LYRM7: variants seen among roughly 807,000 people sequenced by gnomAD.
LYRM7 encodes the protein complex III assembly factor LYRM7.
Under a neutral mutation model 15.8 loss-of-function variants are expected in LYRM7, and 9 were observed. The ratio of observed to expected loss-of-function variants is 0.57; its 90% CI spans 0.34 to 0.99. The LOEUF is 0.99. Ranked by LOEUF, LYRM7 falls within the 50% of genes least tolerant of loss-of-function variation. LYRM7 has a pLI of 0.02. For missense variants in LYRM7, 115 were observed against 119.1 expected (o/e 0.97, Z 0.16); for synonymous variants, 39 against 39.4 (o/e 0.99, Z 0.04).
Position 131,203,235 on chromosome 5 carries a change from C to T in LYRM7, c.*3634C>T, listed in dbSNP as rs1050288631. On this transcript the variant is annotated 3_prime_UTR_variant, in exon 5 of 5. Coordinates refer to ENST00000379380, the MANE Select transcript of LYRM7 (RefSeq NM_181705.4). Reference sequence around the variant, plus strand: ...TTACTGTATATCAGTTGTCACCAATCAGAAATGGAAAACAGATCCTATTTA... The same window carrying T: ...TTACTGTATATCAGTTGTCACCAATTAGAAATGGAAAACAGATCCTATTTA... The T allele has an allele frequency of 6.6e-6, 1 of 152,248 alleles. No homozygotes were observed. The highest frequency in any genetic ancestry group is 2.4e-5 in the African/African-American group (1 of 41,412). 9.4% of individuals were successfully genotyped at this position (152,248 alleles called of 1,614,324 possible).
At chr5:131,193,225 T>C (rs1402719831) in intron 4 of LYRM7, among the ~76,000 whole-genome samples, 1 of 152,254 alleles carries the variant, frequency 6.6e-6, no homozygotes, top group African/African-American at 2.4e-5. Flanking sequence ...TTCTAAGACA[T>C]GTTAATGTGA....
intron 1 of LYRM7, among the ~76,000 whole-genome samples, chr5:131,174,937 T>C (rs779280776): frequency 5.3e-5 from 8 of 152,206 alleles, no homozygotes; most frequent in Non-Finnish European, 1.0e-4. Context: ...AAAACAATAT[T>C]AATTTCCTTT....
In LYRM7 at chr5:131,182,222, T is replaced by C; in HGVS notation, c.92-7T>C. 1 of 1,420,472 alleles carries C rather than the reference T, an allele frequency of 7.0e-7. No individual in the cohort carries two copies. Among genetic ancestry groups the C allele is most frequent in the Non-Finnish European group, 9.5e-7 (1 of 1,048,642 alleles). The allele number at this position is 1,420,472 out of a possible 1,614,324, so 88.0% of individuals were successfully genotyped here. A position where few individuals can be genotyped will look rare whatever the true frequency, so the allele number is the denominator to read the frequency against. On this transcript the variant is annotated splice_polypyrimidine_tract_variant and splice_region_variant and intron_variant, in intron 2 of 4. Coordinates refer to ENST00000379380, the MANE Select transcript of LYRM7 (RefSeq NM_181705.4). Reference sequence around the variant, plus strand: ...GCGAATAACTATATGTATTTTTCTCTTTGTAGCAGCCAGAATAAAGATAAA... The same window carrying C: ...GCGAATAACTATATGTATTTTTCTCCTTGTAGCAGCCAGAATAAAGATAAA...
At chr5:131,179,528 G>A (rs554063147) in intron 1 of LYRM7, among the ~76,000 whole-genome samples, 1 of 124,620 alleles carries the variant, frequency 8.0e-6, no homozygotes, top group Admixed American at 1.0e-4. Flanking sequence ...GAGTGTAGTA[G>A]TGCAGTCAGA....
intron 2 of LYRM7, among the ~76,000 whole-genome samples, chr5:131,181,451 TA>T (rs564533774): frequency 2.4e-5 from 3 of 126,274 alleles, no homozygotes; most frequent in Non-Finnish European, 4.7e-5. Context: ...TATATATATA[TA>T]AAACATATAT....
At chr5:131,197,981 G>C (rs893264853) in intron 4 of LYRM7, among the ~76,000 whole-genome samples, 8 of 151,964 alleles carry the variant, frequency 5.3e-5, no homozygotes, top group Non-Finnish European at 1.2e-4. Context: ...CCTTTACCCA[G>C]ATTCTACAAA....
intron 1 of LYRM7, among the ~76,000 whole-genome samples, chr5:131,179,341 CTA>C (rs1236215114): frequency 1.3e-5 from 2 of 151,446 alleles, no homozygotes; most frequent in African/African-American, 4.9e-5. Context: ...TAAAAATAGT[CTA>C]TGAAACAAAC....
intron 1 of LYRM7, among the ~76,000 whole-genome samples, chr5:131,174,758 C>T (rs1580691353): frequency 6.6e-6 from 1 of 152,146 alleles, no homozygotes; most frequent in South Asian, 2.1e-4. Context: ...GTGGGAGGAT[C>T]GCTTGAGCCC....
chr5:131,191,865 T>G (rs1247996419), intron 4 of LYRM7, among the ~76,000 whole-genome samples: 1 of 152,070 alleles, frequency 6.6e-6, no homozygotes, highest in Non-Finnish European at 1.5e-5. Flanking sequence ...ATAGAACTAT[T>G]GCATGATCTA....
In LYRM7 at chr5:131,199,705, AAATG is replaced by A. The variant is rs776533608; in HGVS notation, c.*112_*115del. On this transcript the variant is annotated 3_prime_UTR_variant, in exon 5 of 5. Transcript: ENST00000379380. The stretch of plus-strand genomic sequence containing the variant: ...CATTTTCCCTGAACTGGCATATTGA[AAATG>A]AATGAATTACAGAATAGCTTCATAT... The A allele has an allele frequency of 1.1e-4, 69 of 648,584 alleles. No individual in the cohort carries two copies. Among genetic ancestry groups the A allele is most frequent in the Admixed American group, 3.2e-4 (10 of 31,704 alleles). 40.2% of individuals were successfully genotyped at this position (648,584 alleles called of 1,614,324 possible). A position where few individuals can be genotyped will look rare whatever the true frequency, so the allele number is the denominator to read the frequency against.
intron 3 of LYRM7, among the ~76,000 whole-genome samples, chr5:131,184,172 G>A (rs183521473): frequency 6.6e-6 from 1 of 152,120 alleles, no homozygotes; most frequent in African/African-American, 2.4e-5. Flanking sequence ...TCACCATGTT[G>A]GCCAGGCTAG....
chr5:131,194,019 A>G lies in LYRM7; in HGVS notation c.245-5512A>G, dbSNP rs1755926599. Among the ~76,000 whole-genome samples, 3 of 152,154 alleles carry G rather than the reference A, an allele frequency of 2.0e-5. No homozygotes were observed. In the South Asian group the frequency reaches 6.2e-4, roughly 32 times the overall value. On this transcript the variant is annotated intron_variant, in intron 4 of 4. Transcript: ENST00000379380. Reference sequence around the variant, plus strand: ...AGCAAAACTCCGTCTCAAAAAAAAAAAGAAATTGCTTTTTATTGATATATC... The same window carrying G: ...AGCAAAACTCCGTCTCAAAAAAAAAGAGAAATTGCTTTTTATTGATATATC...
chr5:131,178,834 C>G (rs556444674), intron 1 of LYRM7, among the ~76,000 whole-genome samples: 2 of 151,954 alleles, frequency 1.3e-5, no homozygotes, highest in African/African-American at 4.8e-5. Context: ...TGGTGGCACA[C>G]GCCTGTAATC....
intron 3 of LYRM7, 95 bp from the exon 4 acceptor site, chr5:131,186,933 G>A (rs1755803532): frequency 7.0e-6 from 5 of 717,326 alleles, no homozygotes; most frequent in African/African-American, 1.8e-5. Flanking sequence ...TGTATTACTT[G>A]AAAAGAAATT....
chr5:131,193,117 CA>C (rs1426104083), intron 4 of LYRM7, among the ~76,000 whole-genome samples: 1 of 151,998 alleles, frequency 6.6e-6, no homozygotes, highest in African/African-American at 2.4e-5. Context: ...GTTAAAAAAA[CA>C]AAAAGCTCCA....
intron 2 of LYRM7, among the ~76,000 whole-genome samples, chr5:131,181,379 ATAATATAT>A (rs1755699818): frequency 9.8e-6 from 1 of 102,060 alleles, no homozygotes; most frequent in Non-Finnish European, 1.8e-5. Flanking sequence ...ATATGTATAT[ATAATATAT>A]ACATATATAT....
intron 4 of LYRM7, among the ~76,000 whole-genome samples, chr5:131,193,065 A>G (rs1301043308): frequency 6.6e-6 from 1 of 152,194 alleles, no homozygotes; most frequent in Non-Finnish European, 1.5e-5. Context: ...TCTGGCATAT[A>G]TGTAAGAAAA....
At chr5:131,180,223 C>A in intron 2 of LYRM7, 56 bp downstream of exon 2, 1 of 1,240,984 alleles carries the variant, frequency 8.1e-7, no homozygotes. Context: ...AACTACTAAT[C>A]TCTCTGAGAA....
chr5:131,203,981 C>T lies in LYRM7; in HGVS notation c.*4380C>T, dbSNP rs541798929. The T allele has an allele frequency of 6.6e-6, 1 of 152,108 alleles. No homozygotes were observed. Among genetic ancestry groups the T allele is most frequent in the East Asian group, 1.9e-4 (1 of 5,196 alleles). 9.4% of individuals were successfully genotyped at this position (152,108 alleles called of 1,614,324 possible). A position where few individuals can be genotyped will look rare whatever the true frequency, so the allele number is the denominator to read the frequency against. On this transcript the variant is annotated 3_prime_UTR_variant, in exon 5 of 5. Transcript: ENST00000379380. Reference sequence around the variant, plus strand: ...ATTAAAATGAAACATGTTTGTTCATCAAGTTGTCACAAGTTAGACAATCAT... The same window carrying T: ...ATTAAAATGAAACATGTTTGTTCATTAAGTTGTCACAAGTTAGACAATCAT...
Sources: gnomAD v4.1 joint callset for allele counts (sites outside exome capture counted in the v4.1 genomes callset) on GRCh38, gnomAD v4.1.1 for gene constraint, MANE v1.5 for transcripts, NCBI Gene and HGNC (gene_info 2026-07-23, HGNC 2026-07-21) for gene names.